DCAF8L2: variants seen among roughly 807,000 people sequenced by gnomAD.
DCAF8L2 encodes DDB1 and CUL4 associated factor 8 like 2.
For missense variants in DCAF8L2, 430 were observed against 490.7 expected (o/e 0.88, Z 1.17); for synonymous variants, 200 against 190.9 (o/e 1.05, Z -0.39).
chrX:27,557,128 A>G, the DCAF8L2 span, among the ~76,000 whole-genome samples: 2 of 112,308 alleles, frequency 1.8e-5, no homozygotes, highest in African/African-American at 6.5e-5. Context: ...CTAGGTATTC[A>G]GGTAAAAGGA....
In DCAF8L2 at chrX:27,644,114, C is replaced by T. The variant is rs746325459; in HGVS notation, c.-220+12114C>T. 3.6e-5 allele frequency among the ~76,000 whole-genome samples: 4 copies of T among 111,737 alleles called. No homozygotes were observed. In the South Asian group the frequency reaches 1.1e-3, roughly 32 times the overall value. On this transcript the variant is annotated intron_variant, in intron 2 of 4. Coordinates refer to ENST00000451261, the MANE Select transcript of DCAF8L2 (RefSeq NM_001353450.2). ...GAGACTACCATGTCTAAAATATCAC[C>T]TGCCACATTCTAACCCATGACCCTG...
chrX:27,683,049 A>G (rs1002029668), intron 3 of DCAF8L2, among the ~76,000 whole-genome samples: 2 of 111,982 alleles, frequency 1.8e-5, no homozygotes, highest in Non-Finnish European at 3.8e-5. Flanking sequence ...CTTTGAAACT[A>G]ATATCTTCAA....
chrX:27,481,087 T>G, the DCAF8L2 span, among the ~76,000 whole-genome samples: 1 of 111,157 alleles, frequency 9.0e-6, no homozygotes, highest in Non-Finnish European at 1.9e-5. Flanking sequence ...TGTTAAGAAT[T>G]TTGGTATTGG....
chrX:27,617,258 G>A (rs1927522918), intron 1 of DCAF8L2, among the ~76,000 whole-genome samples: 1 of 111,104 alleles, frequency 9.0e-6, no homozygotes, highest in Admixed American at 9.6e-5. Flanking sequence ...GATATTTAGA[G>A]GTTTGGGAGG....
At chrX:27,483,176 A>G in the DCAF8L2 span, among the ~76,000 whole-genome samples, 2 of 111,392 alleles carry the variant, frequency 1.8e-5, no homozygotes, top group African/African-American at 6.5e-5. Flanking sequence ...GTCAAATGCA[A>G]AATCATATCA....
At chrX:27,616,913 A>G (rs1307939607) in intron 1 of DCAF8L2, among the ~76,000 whole-genome samples, 1 of 111,921 alleles carries the variant, frequency 8.9e-6, no homozygotes, top group Non-Finnish European at 1.9e-5. Context: ...CAAGAGGGAA[A>G]ATACATTCTC....
chrX:27,508,108 A>C, the DCAF8L2 span, among the ~76,000 whole-genome samples: 14 of 111,879 alleles, frequency 1.3e-4, no homozygotes, highest in African/African-American at 4.5e-4. Flanking sequence ...CTAGTATACC[A>C]ATAAGAAATT....
intron 3 of DCAF8L2, among the ~76,000 whole-genome samples, chrX:27,679,475 G>A (rs961347317): frequency 3.0e-4 from 33 of 111,094 alleles, no homozygotes; most frequent in African/African-American, 9.5e-4. Flanking sequence ...CTTGGGCTCA[G>A]TGCTGTTTTC....
chrX:27,492,956 G>T, the DCAF8L2 span, among the ~76,000 whole-genome samples: 1 of 111,887 alleles, frequency 8.9e-6, no homozygotes, highest in African/African-American at 3.3e-5. Flanking sequence ...TTTAGGCCAG[G>T]TGCAGTGTCT....
At chrX:27,538,318 A>G in the DCAF8L2 span, among the ~76,000 whole-genome samples, 1 of 112,180 alleles carries the variant, frequency 8.9e-6, no homozygotes, top group Admixed American at 9.5e-5. Flanking sequence ...AGAATGGGCT[A>G]GATTATGTAG....
At chrX:27,591,009 AT>A (rs1470029118) in intron 1 of DCAF8L2, among the ~76,000 whole-genome samples, 6 of 97,101 alleles carry the variant, frequency 6.2e-5, no homozygotes, top group African/African-American at 1.8e-4. Flanking sequence ...ATATATATAT[AT>A]ATATAAATAA....
chrX:27,722,542 A>C (rs745522229), intron 4 of DCAF8L2, among the ~76,000 whole-genome samples: 1 of 111,467 alleles, frequency 9.0e-6, no homozygotes, highest in Non-Finnish European at 1.9e-5. Flanking sequence ...TAATTAGTCA[A>C]AATTCAAAAT....
intron 3 of DCAF8L2, among the ~76,000 whole-genome samples, chrX:27,704,332 T>A (rs1367685744): frequency 9.3e-6 from 1 of 107,721 alleles, no homozygotes; most frequent in Non-Finnish European, 1.9e-5. Context: ...TGGAATATTA[T>A]CCAGCCTCAT....
At chrX:27,502,850 G>T in the DCAF8L2 span, among the ~76,000 whole-genome samples, 2 of 111,408 alleles carry the variant, frequency 1.8e-5, no homozygotes, top group East Asian at 5.7e-4. Flanking sequence ...AAATATAGGG[G>T]AAACAATAAC....
At chrX:27,597,340 T>A (rs2147114667) in intron 1 of DCAF8L2, among the ~76,000 whole-genome samples, 1 of 111,650 alleles carries the variant, frequency 9.0e-6, no homozygotes, top group Non-Finnish European at 1.9e-5. Context: ...TGATGACTTT[T>A]CCTTGTGGTG....
At chrX:27,611,569 T>A (rs903128501) in intron 1 of DCAF8L2, among the ~76,000 whole-genome samples, 3 of 109,774 alleles carry the variant, frequency 2.7e-5, no homozygotes, top group African/African-American at 9.9e-5. Context: ...CATTAGGTAT[T>A]TCTCCTCATG....
chrX:27,694,988 G>T (rs1053821505), intron 3 of DCAF8L2, among the ~76,000 whole-genome samples: 3 of 112,010 alleles, frequency 2.7e-5, no homozygotes, highest in Non-Finnish European at 3.8e-5. Context: ...TACATAATGG[G>T]TTTTAAATTG....
the DCAF8L2 span, among the ~76,000 whole-genome samples, chrX:27,501,784 A>G: frequency 9.0e-6 from 1 of 110,510 alleles, no homozygotes; most frequent in East Asian, 2.9e-4. Flanking sequence ...GGTTGAGAGG[A>G]AGCAAGGGGG....
intron 1 of DCAF8L2, among the ~76,000 whole-genome samples, chrX:27,618,615 G>A (rs1453240913): frequency 9.0e-6 from 1 of 111,137 alleles, no homozygotes; most frequent in Non-Finnish European, 1.9e-5. Context: ...TACAAAAGAT[G>A]TTCCTTACTC....
Sources: allele counts gnomAD v4.1 joint callset (sites outside exome capture counted in the v4.1 genomes callset), GRCh38; gene constraint gnomAD v4.1.1; transcripts MANE v1.5; gene names NCBI Gene and HGNC (gene_info 2026-07-23, HGNC 2026-07-21).